Variants in PSMD1 observed in about 807,000 individuals in gnomAD.
PSMD1 encodes proteasome 26S subunit, non-ATPase 1.
Under a neutral mutation model 119.0 loss-of-function variants are expected in PSMD1, and 18 were observed. The observed-to-expected ratio is 0.15, with a 90% CI of 0.10 to 0.22. The LOEUF (loss-of-function observed/expected upper bound fraction) is 0.22, where lower values mean the gene tolerates loss of function less well. Ranked by LOEUF, PSMD1 falls within the 10% of genes least tolerant of loss-of-function variation. The probability of loss-of-function intolerance (pLI) is 1.00; values close to 1 mark genes in which losing one functional copy is unlikely to be tolerated. For missense variants in PSMD1, 702 were observed against 1,158.5 expected, an observed-to-expected ratio of 0.61 and a Z score of 5.72; for synonymous variants, 374 against 396.6, an observed-to-expected ratio of 0.94 and a Z score of 0.68.
chr2:231,069,206 G>A (rs1693980264), intron 5 of PSMD1, among the ~76,000 whole-genome samples: 1 of 151,500 alleles, frequency 6.6e-6, no homozygotes, highest in Admixed American at 6.6e-5. Context: ...AAAAAGCAGA[G>A]TAACAAATGC....
rs1694371699 is a variant in PSMD1 at position 231,083,850 on chromosome 2, C to A, written c.1722+87C>A. ...CACTGGAAATTAACTCTGTTCCCAT[C>A]AGAACATGTAGGTACACTTATTCAT... On this transcript the variant is annotated intron_variant, in intron 14 of 24. Transcript: ENST00000308696. 3 of 1,316,316 alleles carry A rather than the reference C, an allele frequency of 2.3e-6. No individual in the cohort carries two copies. In the South Asian group the frequency reaches 3.9e-5, roughly 17 times the overall value. The allele number at this position is 1,316,316 out of a possible 1,614,324, so 81.5% of individuals were successfully genotyped here. A position where few individuals can be genotyped will look rare whatever the true frequency, so the allele number is the denominator to read the frequency against.
intron 23 of PSMD1, among the ~76,000 whole-genome samples, chr2:231,166,705 A>G (rs1464717043): frequency 6.6e-6 from 1 of 152,186 alleles, no homozygotes; most frequent in Non-Finnish European, 1.5e-5. Flanking sequence ...CAGTAGACCC[A>G]TCCAAGACAT....
At chr2:231,167,567 TAC>T (rs71396666) in intron 23 of PSMD1, among the ~76,000 whole-genome samples, 9 of 151,426 alleles carry the variant, frequency 5.9e-5, no homozygotes, top group African/African-American at 1.2e-4. Context: ...GGTATAGCCC[TAC>T]ACACACACAC....
intron 8 of PSMD1, among the ~76,000 whole-genome samples, chr2:231,076,275 C>A (rs1694164274): frequency 6.6e-6 from 1 of 152,140 alleles, no homozygotes; most frequent in Non-Finnish European, 1.5e-5. Flanking sequence ...GTAAATATTA[C>A]AACAGTGGTC....
chr2:231,061,634 GT>G (rs1693763502), intron 2 of PSMD1, among the ~76,000 whole-genome samples: 1 of 151,944 alleles, frequency 6.6e-6, no homozygotes, highest in Admixed American at 6.6e-5. Context: ...TGTGGTCATG[GT>G]TCACTGCAGC....
At chr2:231,152,699 A>G (rs1461860002) in intron 18 of PSMD1, among the ~76,000 whole-genome samples, 7 of 152,060 alleles carry the variant, frequency 4.6e-5, no homozygotes, top group Non-Finnish European at 7.4e-5. Flanking sequence ...CAAATTTGAT[A>G]TTTTCTGCTT....
In PSMD1 at chr2:231,078,857, C is replaced by T. The variant is rs1425919781; in HGVS notation, c.1160+110C>T. ...TGGCCCAGGCCGGAGGGCAGTGATG[C>T]GATCTCGGCTCACTGCAACTTCCAT... On this transcript the variant is annotated intron_variant, in intron 10 of 24. Transcript: ENST00000308696. 1.6e-5 allele frequency: 11 copies of T among 677,126 alleles called. 1 individual carries two copies. The highest frequency in any genetic ancestry group is 1.3e-4 in the Admixed American group (3 of 22,256). The allele number at this position is 677,126 out of a possible 1,614,324, so 41.9% of individuals were successfully genotyped here. A position where few individuals can be genotyped will look rare whatever the true frequency, so the allele number is the denominator to read the frequency against.
chr2:231,124,411 C>T (rs1416487576), intron 16 of PSMD1, among the ~76,000 whole-genome samples: 1 of 151,860 alleles, frequency 6.6e-6, no homozygotes, highest in Non-Finnish European at 1.5e-5. Context: ...CACAATAGTT[C>T]AGAATAGAAC....
chr2:231,158,319 A>C lies in PSMD1; in HGVS notation c.2219-3021A>C, dbSNP rs147847040. Reference sequence around the variant, plus strand: ...AATGAGACTCCATCTCAAAAAAAGAAAAAAGAAAATTAGTGGTAGTAGAGA... The same window carrying C: ...AATGAGACTCCATCTCAAAAAAAGACAAAAGAAAATTAGTGGTAGTAGAGA... On this transcript the variant is annotated intron_variant, in intron 19 of 24. Transcript: ENST00000308696. Among the ~76,000 whole-genome samples the C allele has an allele frequency of 8.7e-4, 133 of 152,276 alleles. 1 individual carries two copies. Among genetic ancestry groups the C allele is most frequent in the African/African-American group, 3.0e-3 (123 of 41,562 alleles).
At chr2:231,131,630 C>T (rs1463420844) in intron 16 of PSMD1, among the ~76,000 whole-genome samples, 2 of 92,526 alleles carry the variant, frequency 2.2e-5, no homozygotes, top group Admixed American at 1.8e-4. Flanking sequence ...GGCGTAGTGG[C>T]GGGCGCCTGT....
chr2:231,089,716 G>A (rs768546489), intron 16 of PSMD1, among the ~76,000 whole-genome samples: 3 of 152,136 alleles, frequency 2.0e-5, no homozygotes, highest in Admixed American at 6.5e-5. Flanking sequence ...CAAAACTGAA[G>A]AACTTGGAGT....
intron 18 of PSMD1, among the ~76,000 whole-genome samples, chr2:231,151,190 A>C (rs1170004418): frequency 6.6e-6 from 1 of 151,560 alleles, no homozygotes; most frequent in Non-Finnish European, 1.5e-5. Flanking sequence ...TGGTGGGGGG[A>C]GACCATACTA....
In PSMD1 at chr2:231,098,447, TTC is replaced by T. The variant is rs372348373; in HGVS notation, c.1883+11278_1883+11279del. Among the ~76,000 whole-genome samples, 389 of 150,712 alleles carry T rather than the reference TTC, an allele frequency of 2.6e-3. 3 individuals carry two copies. The highest frequency in any genetic ancestry group is 0.022 in the East Asian group (113 of 5,120). On this transcript the variant is annotated intron_variant, in intron 16 of 24. Coordinates refer to ENST00000308696, the MANE Select transcript of PSMD1 (RefSeq NM_002807.4). Reference sequence around the variant, plus strand: ...ACTCCCTCTTTGTCTCTCTGTCTCTTTCTCTCTCTCTCTGTCTCTTTCTCTCT... The same window carrying T: ...ACTCCCTCTTTGTCTCTCTGTCTCTTTCTCTCTCTCTGTCTCTTTCTCTCT...
chr2:231,169,532 G>A (rs907544598), intron 23 of PSMD1, among the ~76,000 whole-genome samples: 13 of 152,120 alleles, frequency 8.5e-5, no homozygotes, highest in African/African-American at 2.7e-4. Context: ...GAAATAGTTC[G>A]GAGTTCACGA....
chr2:231,069,973 T>TA (rs1694002477), intron 5 of PSMD1, 52 bp from the exon 6 acceptor site: 3 of 1,269,372 alleles, frequency 2.4e-6, no homozygotes, highest in Non-Finnish European at 3.1e-6. Flanking sequence ...TCTAAATAAA[T>TA]ATAATGCTGC....
intron 4 of PSMD1, among the ~76,000 whole-genome samples, chr2:231,064,570 A>C (rs1422866630): frequency 6.6e-6 from 1 of 152,230 alleles, no homozygotes; most frequent in Non-Finnish European, 1.5e-5. Flanking sequence ...ACTTAGCTAC[A>C]GTTGGTTCAA....
chr2:231,124,542 A>G (rs1695670126), intron 16 of PSMD1, among the ~76,000 whole-genome samples: 1 of 152,100 alleles, frequency 6.6e-6, no homozygotes, highest in Non-Finnish European at 1.5e-5. Context: ...GTTTGTGAGT[A>G]CTGATATAAA....
chr2:231,168,477 A>G (rs1033417371), intron 23 of PSMD1, among the ~76,000 whole-genome samples: 2 of 152,266 alleles, frequency 1.3e-5, no homozygotes, highest in South Asian at 2.1e-4. Flanking sequence ...TAAAAAGGAA[A>G]GACTTACTGA....
Position 231,137,034 on chromosome 2 carries a change from A to G in PSMD1, c.1884-1702A>G, listed in dbSNP as rs928758872. ...ATTGTGTTATATATTTATGTACCAT[A>G]TATAATTATATAATATATAAATATA... is the stretch of plus-strand genomic sequence containing the variant. On this transcript the variant is annotated intron_variant, in intron 16 of 24. Transcript: ENST00000308696. Among the ~76,000 whole-genome samples, 3 of 145,322 alleles carry G rather than the reference A, an allele frequency of 2.1e-5. No homozygotes were observed. In the East Asian group the frequency reaches 5.8e-4, roughly 28 times the overall value.
Sources: allele counts gnomAD v4.1 joint callset (sites outside exome capture counted in the v4.1 genomes callset), GRCh38; gene constraint gnomAD v4.1.1; transcripts MANE v1.5; gene names NCBI Gene and HGNC (gene_info 2026-07-23, HGNC 2026-07-21).